The following THSD7B variants were observed in gnomAD, a reference collection of about 807,000 sequenced individuals.
The protein encoded by THSD7B is thrombospondin type-1 domain-containing protein 7B.
A neutral mutation model predicts 213.6 loss-of-function variants in THSD7B; 138 were observed. The ratio of observed to expected loss-of-function variants is 0.65; its 90% CI spans 0.56 to 0.74. The LOEUF (loss-of-function observed/expected upper bound fraction) is 0.74. Among genes scored for constraint, THSD7B ranks in the 30% least tolerant of loss-of-function variants. The pLI is 0.00. For missense variants in THSD7B, 1,931 were observed against 1,991.5 expected (o/e 0.97, Z 0.58); for synonymous variants, 742 against 687.0 (o/e 1.08, Z -1.25).
chr2:136,830,550 G>T (rs1262443957), intron 1 of THSD7B, among the ~76,000 whole-genome samples: 2 of 152,208 alleles, frequency 1.3e-5, no homozygotes, highest in African/African-American at 4.8e-5. Flanking sequence ...TTTGGAAATA[G>T]ATTTTCATGG....
In THSD7B at chr2:137,620,690, G is replaced by A; in HGVS notation, c.3763G>A (p.Ala1255Thr). 2 of 1,613,938 alleles carry A rather than the reference G, an allele frequency of 1.2e-6. No homozygotes were observed. The highest frequency in any genetic ancestry group is 1.7e-6 in the Non-Finnish European group (2 of 1,179,812). Residue 1255 changes from alanine to threonine, a missense_variant, in exon 20 of 28, where the codon GCT becomes ACT. By Grantham distance (58) the Ala-to-Thr change is moderately conservative. Transcript: ENST00000409968. ...CAACTGTCAGCTCTCAGGGTGGACG[G>A]CTTGGACAGAGTGTTCACAGACCTG... ...VVNCQLSGWTAWTECSQTCGH... is the reference protein window; with the variant it reads ...VVNCQLSGWTTWTECSQTCGH...
chr2:136,833,433 A>AT lies in THSD7B; in HGVS notation c.-35-48697dup, dbSNP rs56778387. ...TATGCATAGATCTTGATTATTTTCT[A>AT]TTTTTTTTTTTTTTGCAATTAACTG... On this transcript the variant is annotated intron_variant, in intron 1 of 27. Transcript: ENST00000409968. Among the ~76,000 whole-genome samples the AT allele has an allele frequency of 7.2e-4, 81 of 112,062 alleles. 2 individuals are homozygous for AT. The highest frequency in any genetic ancestry group is 6.0e-3 in the Middle Eastern group (1 of 168). The allele number at this position is 112,062 out of a possible 152,430, so 73.5% of individuals were successfully genotyped here. A position where few individuals can be genotyped will look rare whatever the true frequency, so the allele number is the denominator to read the frequency against.
chr2:137,219,287 C>T (rs1573893781), intron 7 of THSD7B, among the ~76,000 whole-genome samples: 2 of 152,134 alleles, frequency 1.3e-5, no homozygotes, highest in Non-Finnish European at 2.9e-5. Flanking sequence ...GAGAATTACA[C>T]AGTCAGTGAT....
At position 136,801,446 on chromosome 2, in the gene THSD7B, C is replaced by G. The variant is rs143870497; in HGVS notation, c.-36+35759C>G. On this transcript the variant is annotated intron_variant, in intron 1 of 27. Transcript: ENST00000409968. ...CAGCATTGGGTAGGCTTCCAGAATG[C>G]AACCTTATGTCAAGAAAGCAAAATG... Among the ~76,000 whole-genome samples, 335 of 152,144 alleles carry G rather than the reference C, an allele frequency of 2.2e-3. 1 individual carries two copies. Among genetic ancestry groups the G allele is most frequent in the Middle Eastern group, 6.8e-3 (2 of 294 alleles).
chr2:136,880,116 C>T (rs546004383), intron 1 of THSD7B, among the ~76,000 whole-genome samples: 7 of 152,246 alleles, frequency 4.6e-5, no homozygotes, highest in Admixed American at 2.6e-4. Flanking sequence ...CCAAGCAGAC[C>T]TAATAGACAT....
chr2:137,442,210 A>C (rs969572891), intron 14 of THSD7B, among the ~76,000 whole-genome samples: 4 of 152,148 alleles, frequency 2.6e-5, no homozygotes, highest in African/African-American at 9.7e-5. Flanking sequence ...TGAAATATAT[A>C]TATATAAGCT....
At chr2:136,933,888 G>A (rs1196079890) in intron 2 of THSD7B, among the ~76,000 whole-genome samples, 1 of 152,126 alleles carries the variant, frequency 6.6e-6, no homozygotes, top group Non-Finnish European at 1.5e-5. Flanking sequence ...TAAGAAATAA[G>A]TGTAAAACCA....
intron 12 of THSD7B, among the ~76,000 whole-genome samples, chr2:137,401,533 G>GA (rs1316712334): frequency 6.6e-6 from 1 of 151,780 alleles, no homozygotes; most frequent in Non-Finnish European, 1.5e-5. Flanking sequence ...TTTCACACTT[G>GA]AAAATAAATT....
intron 17 of THSD7B, among the ~76,000 whole-genome samples, chr2:137,597,457 A>T (rs896183269): frequency 7.1e-6 from 1 of 141,662 alleles, no homozygotes; most frequent in African/African-American, 2.7e-5. Context: ...AACAAAACCA[A>T]AAAAAAACCT....
At chr2:137,308,096 C>T (rs941616641) in intron 12 of THSD7B, among the ~76,000 whole-genome samples, 17 of 152,016 alleles carry the variant, frequency 1.1e-4, no homozygotes, top group African/African-American at 3.1e-4. Flanking sequence ...GGCTTCCCCA[C>T]GATTATTTCC....
At chr2:137,533,887 C>T (rs1486047063) in intron 15 of THSD7B, among the ~76,000 whole-genome samples, 1 of 151,802 alleles carries the variant, frequency 6.6e-6, no homozygotes, top group Admixed American at 6.6e-5. Context: ...AAAACTTTGA[C>T]TAAACAATTA....
intron 6 of THSD7B, among the ~76,000 whole-genome samples, chr2:137,165,463 A>G (rs1331988829): frequency 6.6e-6 from 1 of 151,992 alleles, no homozygotes; most frequent in Non-Finnish European, 1.5e-5. Context: ...TGTTATTTCT[A>G]CTGACTTGTG....
At chr2:137,276,457 T>A (rs1300224938) in intron 12 of THSD7B, among the ~76,000 whole-genome samples, 1 of 152,128 alleles carries the variant, frequency 6.6e-6, no homozygotes, top group Non-Finnish European at 1.5e-5. Context: ...TCATAGGATA[T>A]GTCTTAAATA....
chr2:136,996,825 T>C (rs536327721), intron 2 of THSD7B, among the ~76,000 whole-genome samples: 381 of 152,358 alleles, frequency 2.5e-3, no homozygotes, highest in Non-Finnish European at 4.6e-3. Context: ...TCGAGAGAGC[T>C]GTCCTTTAAT....
At chr2:136,835,606 C>T (rs1027283896) in intron 1 of THSD7B, among the ~76,000 whole-genome samples, 3 of 152,174 alleles carry the variant, frequency 2.0e-5, no homozygotes, top group Non-Finnish European at 4.4e-5. Flanking sequence ...TGTGGGAAAC[C>T]TTTTGAATTA....
At chr2:137,557,820 A>G (rs1316106894) in intron 15 of THSD7B, among the ~76,000 whole-genome samples, 1 of 152,220 alleles carries the variant, frequency 6.6e-6, no homozygotes, top group Non-Finnish European at 1.5e-5. Flanking sequence ...ACCACTAGCA[A>G]GACTAATAAA....
rs938270188 is a variant in THSD7B, at chr2:137,022,547, T to G, written c.140-33873T>G. Among the ~76,000 whole-genome samples the G allele has an allele frequency of 5.4e-5, 7 of 129,920 alleles. No homozygotes were observed. In the East Asian group the frequency reaches 7.9e-4, roughly 15 times the overall value. The allele number at this position is 129,920 out of a possible 152,430, so 85.2% of individuals were successfully genotyped here. ...AAGATGTACCACAAAAAAATCTTCGTTTTTTTTTTATATGAATAACACATT... is the reference window on the plus strand; with the variant it reads ...AAGATGTACCACAAAAAAATCTTCGGTTTTTTTTTATATGAATAACACATT... On this transcript the variant is annotated intron_variant, in intron 2 of 27. Coordinates refer to ENST00000409968, the MANE Select transcript of THSD7B (RefSeq NM_001316349.2).
chr2:136,771,736 G>A (rs753261276), intron 1 of THSD7B, among the ~76,000 whole-genome samples: 2 of 152,050 alleles, frequency 1.3e-5, no homozygotes, highest in African/African-American at 2.4e-5. Context: ...TTTCTTATTA[G>A]CATCTATGTG....
chr2:137,054,798 T>C (rs1687130550), intron 2 of THSD7B, among the ~76,000 whole-genome samples: 1 of 151,876 alleles, frequency 6.6e-6, no homozygotes, highest in African/African-American at 2.4e-5. Flanking sequence ...AGTTCTGGGA[T>C]ATGTGTGCTG....
Sources: allele counts gnomAD v4.1 joint callset (sites outside exome capture counted in the v4.1 genomes callset), GRCh38; gene constraint gnomAD v4.1.1; transcripts MANE v1.5; gene names NCBI Gene and HGNC (gene_info 2026-07-23, HGNC 2026-07-21).